AR: variants seen among roughly 807,000 people sequenced by gnomAD.
AR encodes androgen receptor, also known as dihydrotestosterone receptor.
In AR, 8 loss-of-function variants were observed where a neutral mutation model predicts 53.9. The ratio of observed to expected loss-of-function variants is 0.15; its 90% CI spans 0.09 to 0.27. The LOEUF is 0.27. AR is among the 10% of genes least tolerant of loss of function. The pLI is 1.00. For missense variants in AR, 639 were observed against 742.5 expected, an observed-to-expected ratio of 0.86 and a Z score of 1.62; for synonymous variants, 359 against 316.4, an observed-to-expected ratio of 1.13 and a Z score of -1.43.
intron 3 of AR, among the ~76,000 whole-genome samples, chrX:67,707,786 G>T (rs1343380357): frequency 8.9e-6 from 1 of 111,975 alleles, no homozygotes; most frequent in Non-Finnish European, 1.9e-5. Context: ...GGTACCGGTT[G>T]TTCCTTTCCA....
chrX:67,578,870 G>T (rs1253392175), intron 1 of AR, among the ~76,000 whole-genome samples: 1 of 111,805 alleles, frequency 8.9e-6, no homozygotes, highest in Non-Finnish European at 1.9e-5. Flanking sequence ...ATTATTGATA[G>T]TTTCTTCTGG....
intron 5 of AR, among the ~76,000 whole-genome samples, chrX:67,718,937 T>C (rs1197027946): frequency 9.0e-6 from 1 of 111,585 alleles, no homozygotes; most frequent in Admixed American, 9.4e-5. Flanking sequence ...CTCGATGGCA[T>C]TGTGAATGGA....
chrX:67,662,551 G>C, intron 2 of AR, among the ~76,000 whole-genome samples: 2 of 111,850 alleles, frequency 1.8e-5, no homozygotes, highest in East Asian at 5.6e-4. Flanking sequence ...ACTGTAGTCT[G>C]AGAGACAGTT....
chrX:67,725,369 A>T lies in AR; in HGVS notation c.*1528A>T, dbSNP rs1461312500. The T allele has an allele frequency of 3.4e-5, 6 of 174,146 alleles. No individual in the cohort carries two copies. In the South Asian group the frequency reaches 9.5e-4, roughly 28 times the overall value. 14.4% of individuals were successfully genotyped at this position (174,146 alleles called of 1,213,427 possible). A position where few individuals can be genotyped will look rare whatever the true frequency, so the allele number is the denominator to read the frequency against. On this transcript the variant is annotated 3_prime_UTR_variant, in exon 8 of 8. Transcript: ENST00000374690. ...GGCGTCTTGCCCTTGTCCCCCAGAGATGATACCCTCCCAGCAAGTGGAGAA... is the reference window on the plus strand; with the variant it reads ...GGCGTCTTGCCCTTGTCCCCCAGAGTTGATACCCTCCCAGCAAGTGGAGAA...
chrX:67,630,002 ATAGT>A (rs1172789800), intron 1 of AR, among the ~76,000 whole-genome samples: 3 of 110,989 alleles, frequency 2.7e-5, no homozygotes, highest in Non-Finnish European at 5.7e-5. Flanking sequence ...GGTCTGAGAG[ATAGT>A]TTGTTATAAT....
intron 4 of AR, among the ~76,000 whole-genome samples, chrX:67,716,185 G>A (rs1209679708): frequency 8.9e-6 from 1 of 112,373 alleles, no homozygotes. Flanking sequence ...AGATAAATAA[G>A]AAGATATGGT....
chrX:67,700,558 C>T (rs748768634), intron 3 of AR, among the ~76,000 whole-genome samples: 5 of 111,546 alleles, frequency 4.5e-5, no homozygotes, highest in Admixed American at 9.5e-5. Context: ...GCAGAGAAGC[C>T]AGAACACCTG....
intron 1 of AR, among the ~76,000 whole-genome samples, chrX:67,634,777 ATAAGGAGAGAATAAT>A (rs1925343126): frequency 8.9e-6 from 1 of 111,771 alleles, no homozygotes; most frequent in African/African-American, 3.2e-5. Flanking sequence ...CAATAGATCT[ATAAGGAGAGAATAAT>A]TGTGAACTCT....
chrX:67,712,474 A>G (rs1602273197), intron 4 of AR, among the ~76,000 whole-genome samples: 1 of 112,675 alleles, frequency 8.9e-6, no homozygotes, highest in East Asian at 2.8e-4. Context: ...AAGTCTGGTT[A>G]TTAAAATATT....
At chrX:67,691,596 C>T (rs193194072) in intron 3 of AR, among the ~76,000 whole-genome samples, 11 of 111,664 alleles carry the variant, frequency 9.9e-5, no homozygotes, top group African/African-American at 1.3e-4. Context: ...CCACTGTTCT[C>T]TGGAATACAC....
intron 3 of AR, among the ~76,000 whole-genome samples, chrX:67,690,943 G>C (rs780608894): frequency 9.0e-6 from 1 of 111,640 alleles, no homozygotes; most frequent in Non-Finnish European, 1.9e-5. Flanking sequence ...AATGGTAAGG[G>C]CAAGCTGAAA....
At position 67,727,416 on chromosome X, in the gene AR, C is replaced by T. The variant is rs1425948742; in HGVS notation, c.*3575C>T. 1 of 169,923 alleles carries T rather than the reference C, an allele frequency of 5.9e-6. No individual in the cohort carries two copies. Among genetic ancestry groups the T allele is most frequent in the Non-Finnish European group, 1.1e-5 (1 of 88,787 alleles). The allele number at this position is 169,923 out of a possible 1,213,427, so 14.0% of individuals were successfully genotyped here. A position where few individuals can be genotyped will look rare whatever the true frequency, so the allele number is the denominator to read the frequency against. ...TGCTGATGCTAGAGTCCCTCTCTGT[C>T]CATACTCTACTTCTAAATACATATA... On this transcript the variant is annotated 3_prime_UTR_variant, in exon 8 of 8. Coordinates refer to ENST00000374690, the MANE Select transcript of AR (RefSeq NM_000044.6).
chrX:67,635,108 C>CT (rs1467577207), intron 1 of AR, among the ~76,000 whole-genome samples: 2 of 107,664 alleles, frequency 1.9e-5, no homozygotes, highest in Non-Finnish European at 3.8e-5. Flanking sequence ...GAAAAGTGCT[C>CT]TTTTTTATTT....
intron 1 of AR, among the ~76,000 whole-genome samples, chrX:67,589,592 T>G (rs1922731012): frequency 8.9e-6 from 1 of 111,905 alleles, no homozygotes; most frequent in Non-Finnish European, 1.9e-5. Flanking sequence ...TGATATACAT[T>G]TTGAGGGCAG....
rs1922868671 is a variant in AR, at chrX:67,592,356, A to T, written c.1616+45594A>T. Among the ~76,000 whole-genome samples the T allele has an allele frequency of 2.7e-5, 3 of 112,234 alleles. No individual in the cohort carries two copies. In the Admixed American group the frequency reaches 2.8e-4, roughly 11 times the overall value. ...ACAAAGGATTAATTTGGGAACAATT[A>T]TCCTCATTTTCACTTCCTAAAAAGA... On this transcript the variant is annotated intron_variant, in intron 1 of 7. Transcript: ENST00000374690.
chrX:67,728,927 G>A lies in AR; in HGVS notation c.*5086G>A, dbSNP rs1371472679. 6 of 171,907 alleles carry A rather than the reference G, an allele frequency of 3.5e-5. No individual in the cohort carries two copies. Among genetic ancestry groups the A allele is most frequent in the Non-Finnish European group, 3.3e-5 (3 of 90,160 alleles). The allele number at this position is 171,907 out of a possible 1,213,427, so 14.2% of individuals were successfully genotyped here. A position where few individuals can be genotyped will look rare whatever the true frequency, so the allele number is the denominator to read the frequency against. ...GGAACTGACTGAGATTTACCACAGG[G>A]AAGGCCCAAACTTGGGGCCAAAAGC... On this transcript the variant is annotated 3_prime_UTR_variant, in exon 8 of 8. Transcript: ENST00000374690.
At chrX:67,554,122 G>A (rs1320076156) in intron 1 of AR, among the ~76,000 whole-genome samples, 1 of 112,270 alleles carries the variant, frequency 8.9e-6, no homozygotes, top group Non-Finnish European at 1.9e-5. Flanking sequence ...TTAGAGAACA[G>A]CAGGAAAGAA....
At chrX:67,622,074 C>T (rs1343908494) in intron 1 of AR, among the ~76,000 whole-genome samples, 1 of 111,709 alleles carries the variant, frequency 9.0e-6, no homozygotes, top group Non-Finnish European at 1.9e-5. Context: ...ACATAATAAG[C>T]CCCCAGTAAA....
chrX:67,689,605 A>G, intron 3 of AR: 1 of 964,800 alleles, frequency 1.0e-6, no homozygotes, highest in South Asian at 2.1e-5. Flanking sequence ...GAGTCTCAGA[A>G]TGGCTTCCTT....
Sources: allele counts gnomAD v4.1 joint callset (sites outside exome capture counted in the v4.1 genomes callset), GRCh38; gene constraint gnomAD v4.1.1; transcripts MANE v1.5; gene names NCBI Gene and HGNC (gene_info 2026-07-23, HGNC 2026-07-21).